NPNT: variants seen among roughly 807,000 people sequenced by gnomAD.
NPNT encodes nephronectin.
Under a neutral mutation model 68.6 loss-of-function variants are expected in NPNT, and 45 were observed. The ratio of observed to expected loss-of-function variants is 0.66; its 90% CI spans 0.52 to 0.84. NPNT has a LOEUF of 0.84. NPNT is among the 40% of genes least tolerant of loss of function. The probability of loss-of-function intolerance (pLI) is 0.00; values close to 1 mark genes in which losing one functional copy is unlikely to be tolerated. For synonymous variants in NPNT, 233 were observed against 253.3 expected, an observed-to-expected ratio of 0.92 and a Z score of 0.76; for missense variants, 672 against 714.8, an observed-to-expected ratio of 0.94 and a Z score of 0.68.
chr4:105,935,099 A>G (rs1474288855), intron 3 of NPNT, among the ~76,000 whole-genome samples: 1 of 152,204 alleles, frequency 6.6e-6, no homozygotes, highest in Non-Finnish European at 1.5e-5. Context: ...ATCCATTCCC[A>G]TCAGGAACTC....
chr4:105,958,027 G>A (rs1013122270), intron 8 of NPNT, among the ~76,000 whole-genome samples: 1 of 152,050 alleles, frequency 6.6e-6, no homozygotes, highest in Non-Finnish European at 1.5e-5. Context: ...CACTGGGGGT[G>A]GGGAGTACAT....
At chr4:105,966,202 G>T (rs1176998807) in intron 10 of NPNT, among the ~76,000 whole-genome samples, 2 of 152,200 alleles carry the variant, frequency 1.3e-5, no homozygotes, top group African/African-American at 2.4e-5. Flanking sequence ...AACATACAGT[G>T]TGTTTTCAGT....
At chr4:105,926,205 T>C (rs747353243) in intron 2 of NPNT, among the ~76,000 whole-genome samples, 3 of 152,216 alleles carry the variant, frequency 2.0e-5, no homozygotes, top group Non-Finnish European at 4.4e-5. Flanking sequence ...TGTGTAATGA[T>C]TTCTTCACAG....
chr4:105,970,251 C>A lies in NPNT; in HGVS notation c.*1261C>A. The A allele has an allele frequency of 1.7e-6, 1 of 572,552 alleles. No individual in the cohort carries two copies. The highest frequency in any genetic ancestry group is 3.1e-6 in the Non-Finnish European group (1 of 320,248). The allele number at this position is 572,552 out of a possible 1,614,324, so 35.5% of individuals were successfully genotyped here. A position where few individuals can be genotyped will look rare whatever the true frequency, so the allele number is the denominator to read the frequency against. On this transcript the variant is annotated 3_prime_UTR_variant, in exon 12 of 12. Transcript: ENST00000379987. ...AAGTTGGAATTCTAAGATCCATGAA[C>A]CCCCAACTGTATTTCCTCCCTGCAT...
chr4:105,911,837 G>A, intron 2 of NPNT: 1 of 225,432 alleles, frequency 4.4e-6, no homozygotes, highest in Non-Finnish European at 8.8e-6. Flanking sequence ...TAAATAAAAG[G>A]ATACTGTCTC....
rs535368214 is a variant in NPNT, at chr4:105,936,812, C to T, written c.266-197C>T. Among the ~76,000 whole-genome samples the T allele has an allele frequency of 7.2e-5, 11 of 152,276 alleles. No individual in the cohort carries two copies. The East Asian group carries it at 1.9e-3, about 27-fold the overall frequency. On this transcript the variant is annotated intron_variant, in intron 3 of 11. Coordinates refer to ENST00000379987, the MANE Select transcript of NPNT (RefSeq NM_001033047.3). ...AAACAGAGATCCATAAAGGTCATGG[C>T]GACTCCTGGTTGCCCCTAGTGTAAC...
rs1578703187 is a variant in NPNT at position 105,969,055 on chromosome 4, C to T, written c.*65C>T. On this transcript the variant is annotated 3_prime_UTR_variant, in exon 12 of 12. Coordinates refer to ENST00000379987, the MANE Select transcript of NPNT (RefSeq NM_001033047.3). ...CCTCTTTTTCCAATTCTCATCTTCTCTCCTCTTCTCCCTTTTATCAGGCCT... is the reference window on the plus strand; with the variant it reads ...CCTCTTTTTCCAATTCTCATCTTCTTTCCTCTTCTCCCTTTTATCAGGCCT... 3 of 1,024,238 alleles carry T rather than the reference C, an allele frequency of 2.9e-6. No individual in the cohort carries two copies. Among genetic ancestry groups the T allele is most frequent in the Non-Finnish European group, 1.5e-6 (1 of 668,532 alleles). The allele number at this position is 1,024,238 out of a possible 1,614,324, so 63.4% of individuals were successfully genotyped here.
intron 1 of NPNT, 54 bp downstream of exon 1, chr4:105,895,777 A>T: frequency 7.0e-7 from 1 of 1,435,674 alleles, no homozygotes; most frequent in Admixed American, 2.0e-5. Flanking sequence ...TTTCACACTC[A>T]CTGTCTTGGG....
At chr4:105,900,296 A>G (rs1329226083) in intron 2 of NPNT, among the ~76,000 whole-genome samples, 2 of 152,204 alleles carry the variant, frequency 1.3e-5, no homozygotes, top group East Asian at 3.8e-4. Context: ...CCATTACTGC[A>G]TAGATCTTCC....
chr4:105,931,943 A>C (rs1364208882), intron 3 of NPNT, among the ~76,000 whole-genome samples: 1 of 152,178 alleles, frequency 6.6e-6, no homozygotes, highest in Non-Finnish European at 1.5e-5. Context: ...ACAGAACGTG[A>C]TTGTTAAGTC....
chr4:105,915,669 G>C (rs955987522), intron 2 of NPNT, among the ~76,000 whole-genome samples: 1 of 152,162 alleles, frequency 6.6e-6, no homozygotes, highest in African/African-American at 2.4e-5. Context: ...GACATCATTT[G>C]GTGAGCTAGA....
At chr4:105,965,181 T>C (rs1027908849) in intron 10 of NPNT, among the ~76,000 whole-genome samples, 1 of 152,184 alleles carries the variant, frequency 6.6e-6, no homozygotes, top group Non-Finnish European at 1.5e-5. Context: ...TCTTGAGATA[T>C]TGTGATACTG....
chr4:105,904,083 T>C (rs28473329), intron 2 of NPNT, among the ~76,000 whole-genome samples: 3,057 of 152,236 alleles, frequency 0.02, 103 homozygotes, highest in African/African-American at 0.068. Flanking sequence ...CTTGCCCAGC[T>C]GCCTCCTTAC....
intron 10 of NPNT, among the ~76,000 whole-genome samples, chr4:105,959,581 T>C (rs1731524261): frequency 6.6e-6 from 1 of 150,852 alleles, no homozygotes; most frequent in Admixed American, 6.6e-5. Flanking sequence ...GAAATTTCTA[T>C]AAAGTTGTGA....
chr4:105,968,413 A>G (rs1732341916), intron 11 of NPNT, among the ~76,000 whole-genome samples: 1 of 152,270 alleles, frequency 6.6e-6, no homozygotes, highest in South Asian at 2.1e-4. Context: ...TGGTTTTTAC[A>G]TAGGTAAAGC....
Position 105,940,227 on chromosome 4 carries a change from T to C in NPNT, c.640+18T>C, listed in dbSNP as rs759955381. 1.2e-6 allele frequency: 2 copies of C among 1,610,164 alleles called. No homozygotes were observed. The highest frequency in any genetic ancestry group is 1.3e-5 in the African/African-American group (1 of 74,966). On this transcript the variant is annotated intron_variant, in intron 6 of 11. Coordinates refer to ENST00000379987, the MANE Select transcript of NPNT (RefSeq NM_001033047.3). The stretch of plus-strand genomic sequence containing the variant: ...ATGTCATGGTAATGAAACCCAACCA[T>C]TGCTTTGTGTTGTTTCTTCCTAGAG...
Position 105,927,408 on chromosome 4 carries a change from C to A in NPNT, c.245C>A (p.Ala82Asp). The change falls in exon 3 of 12, where the codon GCT becomes GAT. Residue 82 changes from alanine (A) to aspartate (D), a missense_variant. Coordinates refer to ENST00000379987, the MANE Select transcript of NPNT (RefSeq NM_001033047.3). ...AAGTGCAAGTGTCATCCTGGTTATG[C>A]TGGAAAAACCTGTAATCAAGGTAGG... Reference protein sequence around the residue: ...PNKCKCHPGYAGKTCNQDLNE... With the variant: ...PNKCKCHPGYDGKTCNQDLNE... 6.2e-7 allele frequency: 1 copy of A among 1,608,950 alleles called. No individual in the cohort carries two copies. The highest frequency in any genetic ancestry group is 8.5e-7 in the Non-Finnish European group (1 of 1,175,844).
Position 105,970,395 on chromosome 4 carries a change from G to A in NPNT, c.*1405G>A. 1.4e-6 allele frequency: 1 copy of A among 699,762 alleles called. No homozygotes were observed. Among genetic ancestry groups the A allele is most frequent in the Non-Finnish European group, 2.6e-6 (1 of 383,666 alleles). 43.3% of individuals were successfully genotyped at this position (699,762 alleles called of 1,614,324 possible). The stretch of plus-strand genomic sequence containing the variant: ...TGCTATTTTTGCCAGGAATCACAAA[G>A]ATGATTAAAGGGTTGGAAAAAAAGA... On this transcript the variant is annotated 3_prime_UTR_variant, in exon 12 of 12. Transcript: ENST00000379987.
intron 8 of NPNT, among the ~76,000 whole-genome samples, chr4:105,944,211 A>G (rs866700385): frequency 1.5e-3 from 225 of 152,246 alleles, no homozygotes; most frequent in African/African-American, 4.9e-3. Flanking sequence ...TCTGAAATTT[A>G]TGTTTTTGTA....
Sources: allele counts gnomAD v4.1 joint callset (sites outside exome capture counted in the v4.1 genomes callset), GRCh38; gene constraint gnomAD v4.1.1; transcripts MANE v1.5; gene names NCBI Gene and HGNC (gene_info 2026-07-23, HGNC 2026-07-21).